LNX1: variants seen among roughly 807,000 people sequenced by gnomAD.
LNX1 encodes E3 ubiquitin-protein ligase LNX.
Under a neutral mutation model 68.4 loss-of-function variants are expected in LNX1, and 54 were observed. The ratio of observed to expected loss-of-function variants is 0.79; its 90% CI spans 0.63 to 0.99. The LOEUF is 0.99. LNX1 is among the 50% of genes least tolerant of loss of function. The pLI is 0.00. For synonymous variants in LNX1, 336 were observed against 350.0 expected (o/e 0.96, Z 0.45); for missense variants, 906 against 926.4 (o/e 0.98, Z 0.29).
At chr4:53,623,868 G>A (rs1733975979) in intron 1 of LNX1, among the ~76,000 whole-genome samples, 1 of 152,160 alleles carries the variant, frequency 6.6e-6, no homozygotes, top group African/African-American at 2.4e-5. Context: ...AGCAAAGCTG[G>A]AAGTTAAACC....
At chr4:53,469,588 T>C (rs1193100812) in intron 9 of LNX1, among the ~76,000 whole-genome samples, 13 of 152,026 alleles carry the variant, frequency 8.6e-5, no homozygotes, top group Admixed American at 2.6e-4. Flanking sequence ...ATTGATAGAC[T>C]GCTAGCAAGA....
At chr4:53,523,284 T>A (rs1727369453) in intron 2 of LNX1, 1 of 152,152 alleles carries the variant, frequency 6.6e-6, no homozygotes, top group Admixed American at 6.5e-5. Flanking sequence ...ATTTTTTTTG[T>A]TTGTTTGTTC....
At chr4:53,568,857 AT>A (rs1577729203) in intron 2 of LNX1, among the ~76,000 whole-genome samples, 1 of 152,156 alleles carries the variant, frequency 6.6e-6, no homozygotes, top group East Asian at 1.9e-4. Context: ...AAGCATTCTT[AT>A]ACACCAATAA....
chr4:53,643,690 C>T (rs1206217301), intron 1 of LNX1, among the ~76,000 whole-genome samples: 7 of 152,192 alleles, frequency 4.6e-5, no homozygotes, highest in Non-Finnish European at 8.8e-5. Flanking sequence ...GTGTAACAGA[C>T]CTGTTTTCAA....
chr4:53,524,859 T>A lies in LNX1; in HGVS notation c.381-16632A>T, dbSNP rs554608580. 2.0e-5 allele frequency among the ~76,000 whole-genome samples: 3 copies of A among 152,284 alleles called. No individual in the cohort carries two copies. In the South Asian group the frequency reaches 6.2e-4, roughly 32 times the overall value. ...TCTGTCAAGAGGAAGGAACCCTTTC[T>A]TTGCAAAAAAAGCTCTGTCTGCTTG... On this transcript the variant is annotated intron_variant, in intron 2 of 10. Transcript: ENST00000263925.
In LNX1 at chr4:53,591,401, T is replaced by C. The variant is rs894738029; in HGVS notation, c.-100A>G. ...GTTTCAACTCACCTCTTCAAGCGAC[T>C]GTCTGGGGCTCTCCAAGCAGCAGCA... On this transcript the variant is annotated 5_prime_UTR_variant, in exon 1 of 11. Transcript: ENST00000263925. 3 of 985,416 alleles carry C rather than the reference T, an allele frequency of 3.0e-6. No homozygotes were observed. In the African/African-American group the frequency reaches 5.2e-5, roughly 17 times the overall value. The allele number at this position is 985,416 out of a possible 1,614,324, so 61.0% of individuals were successfully genotyped here.
At chr4:53,574,176 A>G in intron 1 of LNX1, 88 bp from the exon 2 acceptor site, 3 of 1,005,368 alleles carry the variant, frequency 3.0e-6, no homozygotes, top group Non-Finnish European at 4.2e-6. Context: ...CTGCCAATGC[A>G]TGGGGAATTG....
intron 2 of LNX1, among the ~76,000 whole-genome samples, chr4:53,612,788 G>A (rs901015290): frequency 6.6e-6 from 1 of 151,564 alleles, no homozygotes; most frequent in Admixed American, 6.6e-5. Context: ...AGGAGGCTGA[G>A]CTGGGAGGAT....
chr4:53,626,391 T>G (rs1734076351), intron 1 of LNX1, among the ~76,000 whole-genome samples: 2 of 152,164 alleles, frequency 1.3e-5, no homozygotes, highest in Admixed American at 1.3e-4. Context: ...AGGGTAAATT[T>G]TAGGTATGTG....
chr4:53,516,003 A>C (rs559250460), intron 2 of LNX1, among the ~76,000 whole-genome samples: 27 of 152,254 alleles, frequency 1.8e-4, no homozygotes, highest in African/African-American at 5.5e-4. Context: ...ATAATCCTAG[A>C]GCTTTGATAG....
At chr4:53,494,540 C>T (rs1724918187) in intron 6 of LNX1, among the ~76,000 whole-genome samples, 1 of 152,236 alleles carries the variant, frequency 6.6e-6, no homozygotes, top group Non-Finnish European at 1.5e-5. Context: ...CTGAGGAATT[C>T]ACAGGCCTAG....
intron 1 of LNX1, among the ~76,000 whole-genome samples, chr4:53,586,357 A>T (rs1256182841): frequency 6.6e-6 from 1 of 152,256 alleles, no homozygotes; most frequent in African/African-American, 2.4e-5. Flanking sequence ...ATCTCAGCAG[A>T]TAGCAATGAC....
At chr4:53,517,075 T>A (rs1254292345) in intron 2 of LNX1, among the ~76,000 whole-genome samples, 1 of 152,168 alleles carries the variant, frequency 6.6e-6, no homozygotes, top group Non-Finnish European at 1.5e-5. Flanking sequence ...CGCCACTGAA[T>A]CCTCAGCACT....
At chr4:53,574,982 GTT>G (rs34184442) in intron 1 of LNX1, among the ~76,000 whole-genome samples, 32 of 111,228 alleles carry the variant, frequency 2.9e-4, no homozygotes, top group African/African-American at 7.5e-4. Flanking sequence ...TAGATATTTC[GTT>G]TTTTTTTTTT....
intron 2 of LNX1, among the ~76,000 whole-genome samples, chr4:53,534,356 T>C (rs985879537): frequency 2.0e-5 from 3 of 152,074 alleles, no homozygotes; most frequent in Admixed American, 6.6e-5. Flanking sequence ...CAGGAATTAG[T>C]GGTGGGGTGC....
chr4:53,490,602 C>T (rs1310275472), intron 6 of LNX1, among the ~76,000 whole-genome samples: 1 of 152,122 alleles, frequency 6.6e-6, no homozygotes, highest in Non-Finnish European at 1.5e-5. Context: ...TAACTCTTCC[C>T]TGAAGTAATG....
intron 2 of LNX1, among the ~76,000 whole-genome samples, chr4:53,521,515 G>A (rs575301060): frequency 2.0e-5 from 3 of 152,246 alleles, no homozygotes; most frequent in Non-Finnish European, 4.4e-5. Context: ...GTTTGGAAAC[G>A]TGTCATGCAA....
chr4:53,556,072 G>A (rs1216481869), intron 2 of LNX1, among the ~76,000 whole-genome samples: 3 of 152,182 alleles, frequency 2.0e-5, no homozygotes, highest in Non-Finnish European at 4.4e-5. Context: ...TTGGAACAAG[G>A]GTCTTGTAGA....
chr4:53,508,667 T>TC (rs1487409739), intron 2 of LNX1, among the ~76,000 whole-genome samples: 2 of 152,222 alleles, frequency 1.3e-5, no homozygotes, highest in Non-Finnish European at 2.9e-5. Flanking sequence ...ATAAAGCTCC[T>TC]CCCAGATTCC....
Sources: allele counts gnomAD v4.1 joint callset (sites outside exome capture counted in the v4.1 genomes callset), GRCh38; gene constraint gnomAD v4.1.1; transcripts MANE v1.5; gene names NCBI Gene and HGNC (gene_info 2026-07-23, HGNC 2026-07-21).